The following KIF3C variants were observed in gnomAD, a reference collection of about 807,000 sequenced individuals.
The protein encoded by KIF3C is kinesin family member 3C.
A neutral mutation model predicts 67.7 loss-of-function variants in KIF3C; 12 were observed. The observed-to-expected ratio is 0.18, with a 90% CI of 0.11 to 0.29. The LOEUF is 0.29. Among genes scored for constraint, KIF3C ranks in the 10% least tolerant of loss-of-function variants. KIF3C has a pLI of 1.00. For missense variants in KIF3C, 789 were observed against 1,059.6 expected (o/e 0.74, Z 3.55); for synonymous variants, 393 against 426.2 (o/e 0.92, Z 0.96).
rs531938040 is a variant in KIF3C at position 25,959,283 on chromosome 2, A to T, written c.1546-2839T>A. Among the ~76,000 whole-genome samples the T allele has an allele frequency of 1.2e-4, 19 of 152,252 alleles. No individual in the cohort carries two copies. In the East Asian group the frequency reaches 3.5e-3, roughly 28 times the overall value. Reference sequence around the variant, plus strand: ...AGGCCATATTCCTACTATTTCTCATAATAGAATAATTATTCATTTACATGC... The same window carrying T: ...AGGCCATATTCCTACTATTTCTCATTATAGAATAATTATTCATTTACATGC... On this transcript the variant is annotated intron_variant, in intron 1 of 7. Transcript: ENST00000264712.
intron 1 of KIF3C, among the ~76,000 whole-genome samples, chr2:25,978,551 T>G (rs1664475969): frequency 6.6e-6 from 1 of 152,118 alleles, no homozygotes. Flanking sequence ...ATGCCTCTGG[T>G]GCAAGAATTC....
At position 25,982,111 on chromosome 2, in the gene KIF3C, C is replaced by T; in HGVS notation, c.-194G>A. 3.8e-6 allele frequency: 2 copies of T among 532,956 alleles called. No individual in the cohort carries two copies. Among genetic ancestry groups the T allele is most frequent in the Non-Finnish European group, 6.6e-6 (2 of 302,300 alleles). The allele number at this position is 532,956 out of a possible 1,614,324, so 33.0% of individuals were successfully genotyped here. ...TGCAGTCCGGGCCTCCACCGCTCTC[C>T]GGTCCTCTCTGCACCGGCTGGGAGG... On this transcript the variant is annotated 5_prime_UTR_variant, in exon 1 of 8. Transcript: ENST00000264712.
intron 1 of KIF3C, among the ~76,000 whole-genome samples, chr2:25,963,763 GCTCACTGCAACCTCTGC>G (rs1289282928): frequency 4.6e-5 from 7 of 150,624 alleles, no homozygotes; most frequent in South Asian, 2.1e-4. Flanking sequence ...CGTGATCTCG[GCTCACTGCAACCTCTGC>G]CTCCCAGGTT....
At chr2:25,942,335 G>A (rs1488456546) in intron 5 of KIF3C, among the ~76,000 whole-genome samples, 1 of 152,190 alleles carries the variant, frequency 6.6e-6, no homozygotes. Flanking sequence ...TCCAGCTTAG[G>A]CGACGGTCTA....
chr2:25,947,529 T>C (rs544792565), intron 5 of KIF3C, among the ~76,000 whole-genome samples: 16 of 150,058 alleles, frequency 1.1e-4, no homozygotes, highest in Admixed American at 7.3e-4. Context: ...TGCAGTGAGC[T>C]GAGATAGCGC....
In KIF3C at chr2:25,952,560, TA is replaced by T. The variant is rs59041616; in HGVS notation, c.1890-656del. 4.5e-3 allele frequency among the ~76,000 whole-genome samples: 405 copies of T among 89,360 alleles called. 2 individuals carry two copies. The East Asian group carries it at 0.071, about 16-fold the overall frequency. 58.6% of individuals were successfully genotyped at this position (89,360 alleles called of 152,430 possible). ...GTGTGTGTGTGTGTGTATATATATA[TA>T]TATTTTTTTTTTTTTGAGACAGTTT... On this transcript the variant is annotated intron_variant, in intron 4 of 7. Transcript: ENST00000264712.
At chr2:25,961,238 G>A (rs1428137158) in intron 1 of KIF3C, among the ~76,000 whole-genome samples, 2 of 152,208 alleles carry the variant, frequency 1.3e-5, no homozygotes, top group Non-Finnish European at 2.9e-5. Context: ...AGTTACATGG[G>A]GAGTGAAGAG....
Position 25,956,430 on chromosome 2 carries a change from C to T in KIF3C, c.1560G>A (p.Lys520=). The T allele has an allele frequency of 6.2e-7, 1 of 1,613,922 alleles. No homozygotes were observed. The highest frequency in any genetic ancestry group is 8.5e-7 in the Non-Finnish European group (1 of 1,179,892). The change falls in exon 2 of 8, where the codon AAG becomes AAA. Residue 520 remains lysine (K), a synonymous_variant. Transcript: ENST00000264712. ...TGATGTTCCTGCCCCCGATGAGGAGCTTGCTCTCCATGGCCTGGGGACACA... is the reference window on the plus strand; with the variant it reads ...TGATGTTCCTGCCCCCGATGAGGAGTTTGCTCTCCATGGCCTGGGGACACA... ...LAAKYKAMES[K]LLIGGRNIMD...
intron 6 of KIF3C, 140 bp downstream of exon 6, chr2:25,929,815 C>T (rs1243998959): frequency 9.3e-6 from 6 of 646,836 alleles, no homozygotes; most frequent in Admixed American, 7.8e-5. Flanking sequence ...AGGGGTTCAC[C>T]ATGTTAACCA....
At chr2:25,972,092 T>C (rs970581403) in intron 1 of KIF3C, among the ~76,000 whole-genome samples, 15 of 151,852 alleles carry the variant, frequency 9.9e-5, no homozygotes, top group African/African-American at 3.6e-4. Context: ...TGCCCCAGAC[T>C]GGCCAGGCGC....
At chr2:25,976,029 A>T (rs932217593) in intron 1 of KIF3C, among the ~76,000 whole-genome samples, 3 of 152,120 alleles carry the variant, frequency 2.0e-5, no homozygotes, top group Non-Finnish European at 4.4e-5. Flanking sequence ...GATAATCTGT[A>T]TATAGGATAG....
intron 1 of KIF3C, among the ~76,000 whole-genome samples, chr2:25,973,676 A>C (rs1664337395): frequency 6.6e-6 from 1 of 152,136 alleles, no homozygotes; most frequent in Non-Finnish European, 1.5e-5. Context: ...GAAACAGCCC[A>C]ATTTTAACTG....
At chr2:25,939,965 A>AAAAT (rs1352847956) in intron 5 of KIF3C, among the ~76,000 whole-genome samples, 6 of 151,986 alleles carry the variant, frequency 3.9e-5, no homozygotes, top group African/African-American at 1.5e-4. Flanking sequence ...AATAAAAATG[A>AAAAT]AAATAAATAA....
chr2:25,958,145 C>A lies in KIF3C; in HGVS notation c.1546-1701G>T, dbSNP rs896945856. ...CTGCTCCTCAGTGCGGCTCCCACCA[C>A]CCCCCATTTTTCATTCTCACTGCTA... is the stretch of plus-strand genomic sequence containing the variant. On this transcript the variant is annotated intron_variant, in intron 1 of 7. Transcript: ENST00000264712. The surrounding 1 kb of genome is among the most constrained non-coding windows in gnomAD (Gnocchi z 4.5). 6.6e-6 allele frequency among the ~76,000 whole-genome samples: 1 copy of A among 152,124 alleles called. No individual in the cohort carries two copies. The highest frequency in any genetic ancestry group is 1.5e-5 in the Non-Finnish European group (1 of 68,024).
At chr2:25,959,777 C>A (rs1031502865) in intron 1 of KIF3C, among the ~76,000 whole-genome samples, 1 of 152,144 alleles carries the variant, frequency 6.6e-6, no homozygotes, top group Non-Finnish European at 1.5e-5. Flanking sequence ...TCCTCCCATT[C>A]ATCAATCCAC....
intron 5 of KIF3C, among the ~76,000 whole-genome samples, chr2:25,948,568 T>G (rs1663504107): frequency 8.4e-6 from 1 of 118,998 alleles, no homozygotes; most frequent in African/African-American, 3.2e-5. Context: ...AGCAAGGAAG[T>G]AAGGAAGAAA....
chr2:25,962,843 A>AAT (rs1559555165), intron 1 of KIF3C, among the ~76,000 whole-genome samples: 6 of 65,004 alleles, frequency 9.2e-5, no homozygotes, highest in African/African-American at 1.6e-4. Flanking sequence ...TAAAATATAT[A>AAT]ATATATAATA....
In KIF3C at chr2:25,982,092, C is replaced by T; in HGVS notation, c.-175G>A. 1 of 554,348 alleles carries T rather than the reference C, an allele frequency of 1.8e-6. No homozygotes were observed. The highest frequency in any genetic ancestry group is 3.2e-6 in the Non-Finnish European group (1 of 316,096). The allele number at this position is 554,348 out of a possible 1,614,324, so 34.3% of individuals were successfully genotyped here. On this transcript the variant is annotated 5_prime_UTR_variant, in exon 1 of 8. Coordinates refer to ENST00000264712, the MANE Select transcript of KIF3C (RefSeq NM_002254.8). Reference sequence around the variant, plus strand: ...GAGGTGGCCCCAACGCTGCTGCAGTCCGGGCCTCCACCGCTCTCCGGTCCT... The same window carrying T: ...GAGGTGGCCCCAACGCTGCTGCAGTTCGGGCCTCCACCGCTCTCCGGTCCT...
intron 5 of KIF3C, among the ~76,000 whole-genome samples, chr2:25,950,872 T>C (rs949238117): frequency 3.9e-5 from 5 of 126,724 alleles, no homozygotes; most frequent in African/African-American, 1.5e-4. Flanking sequence ...AAAGATCAAA[T>C]AGGCATCTAA....
Sources: allele counts gnomAD v4.1 joint callset (sites outside exome capture counted in the v4.1 genomes callset), GRCh38; gene constraint gnomAD v4.1.1; non-coding constraint Gnocchi (gnomAD v3.1); transcripts MANE v1.5; gene names NCBI Gene and HGNC (gene_info 2026-07-23, HGNC 2026-07-21).